Variants in SVIL observed in about 807,000 individuals in gnomAD.
SVIL encodes archvillin.
Under a neutral mutation model 240.4 loss-of-function variants are expected in SVIL, and 101 were observed. That is an observed-to-expected ratio of 0.42 (90% CI 0.36 to 0.50). The LOEUF (loss-of-function observed/expected upper bound fraction) is 0.50. SVIL is among the 20% of genes least tolerant of loss of function. SVIL has a pLI of 0.01. For missense variants in SVIL, 2,512 were observed against 2,818.7 expected, an observed-to-expected ratio of 0.89 and a Z score of 2.46; for synonymous variants, 999 against 1,100.0, an observed-to-expected ratio of 0.91 and a Z score of 1.82.
chr10:29,687,213 A>G (rs1308976501), intron 1 of SVIL, among the ~76,000 whole-genome samples: 1 of 152,240 alleles, frequency 6.6e-6, no homozygotes, highest in East Asian at 1.9e-4. Context: ...TTCCGCACTG[A>G]TAATGTCAAT....
At chr10:29,636,455 T>G (rs1958314148), upstream of SVIL, among the ~76,000 whole-genome samples, 1 of 152,220 alleles carries the variant, frequency 6.6e-6, no homozygotes. Flanking sequence ...ATCAGTCTTT[T>G]GTGTGCCTCT....
chr10:29,656,483 TAAAC>T (rs1161433053), intron 3 of SVIL, among the ~76,000 whole-genome samples: 1 of 151,690 alleles, frequency 6.6e-6, no homozygotes, highest in Non-Finnish European at 1.5e-5. Flanking sequence ...AAAGAATAAA[TAAAC>T]ATAGAAATTG....
At chr10:29,613,381 G>A (rs955180683) in intron 1 of SVIL, among the ~76,000 whole-genome samples, 7 of 151,954 alleles carry the variant, frequency 4.6e-5, no homozygotes, top group East Asian at 3.9e-4. Context: ...TGCTCAGGCC[G>A]GAGTGCAGTG....
At chr10:29,540,720 T>A (rs939655478) in intron 6 of SVIL, among the ~76,000 whole-genome samples, 1 of 152,202 alleles carries the variant, frequency 6.6e-6, no homozygotes, top group Non-Finnish European at 1.5e-5. Flanking sequence ...AAGAACTTCC[T>A]GGTCACAGCC....
At chr10:29,468,306 C>A (rs1945158379) in intron 32 of SVIL, among the ~76,000 whole-genome samples, 3 of 152,090 alleles carry the variant, frequency 2.0e-5, no homozygotes, top group Admixed American at 6.6e-5. Context: ...ATACTGAATT[C>A]TTTTTTATGG....
intron 30 of SVIL, among the ~76,000 whole-genome samples, chr10:29,472,761 T>C (rs1945732729): frequency 6.6e-6 from 1 of 152,086 alleles, no homozygotes; most frequent in Non-Finnish European, 1.5e-5. Context: ...CCAGGCACGA[T>C]GCAGGCCCTG....
chr10:29,640,698 T>G (rs1166386834), intron 3 of SVIL, among the ~76,000 whole-genome samples: 3 of 152,210 alleles, frequency 2.0e-5, no homozygotes, highest in Non-Finnish European at 4.4e-5. Flanking sequence ...CCTGCCTCAC[T>G]TGAGTGATCA....
intron 17 of SVIL, among the ~76,000 whole-genome samples, chr10:29,502,227 C>CT (rs1948948991): frequency 6.6e-6 from 1 of 152,052 alleles, no homozygotes; most frequent in Non-Finnish European, 1.5e-5. Context: ...GCTTAGGACC[C>CT]CCTAATTGCT....
chr10:29,465,351 T>G (rs1314454664), intron 34 of SVIL, among the ~76,000 whole-genome samples: 3 of 152,194 alleles, frequency 2.0e-5, no homozygotes, highest in Non-Finnish European at 4.4e-5. Flanking sequence ...TGTTCTTAGC[T>G]GACGTCTTTG....
At chr10:29,732,633 T>C (rs543485785) in intron 1 of SVIL, among the ~76,000 whole-genome samples, 1 of 152,332 alleles carries the variant, frequency 6.6e-6, no homozygotes, top group East Asian at 1.9e-4. Context: ...ATTTTTGAAA[T>C]GTTATGTCTC....
At chr10:29,593,097 T>C (rs1254444293) in intron 1 of SVIL, among the ~76,000 whole-genome samples, 1 of 152,188 alleles carries the variant, frequency 6.6e-6, no homozygotes. Context: ...ATCTGCGCTA[T>C]GTTTAAAATT....
rs377582644 is a variant in SVIL, at chr10:29,691,246, C to T, written c.-399-4595G>A. ...TTTTTTTTTGAGACGGAGTCTCACT[C>T]TGTCGCCCAGGCTGGAGTGCAGTGG... is the stretch of plus-strand genomic sequence containing the variant. On this transcript the variant is annotated intron_variant, in intron 1 of 35. Coordinates refer to the SVIL transcript ENST00000375400. Among the ~76,000 whole-genome samples the T allele has an allele frequency of 5.1e-4, 76 of 148,390 alleles. 1 individual carries two copies. The East Asian group carries it at 0.012, about 24-fold the overall frequency.
chr10:29,562,769 G>GAAAAAAAAAAAAAAAA (rs34507610), intron 3 of SVIL, among the ~76,000 whole-genome samples: 4 of 115,716 alleles, frequency 3.5e-5, no homozygotes, highest in Non-Finnish European at 7.0e-5. Context: ...TCAAAAAAAA[G>GAAAAAAAAAAAAAAAA]AAAAAAAAAA....
At chr10:29,510,108 G>A (rs1465628590) in intron 17 of SVIL, among the ~76,000 whole-genome samples, 1 of 152,150 alleles carries the variant, frequency 6.6e-6, no homozygotes, top group East Asian at 1.9e-4. Flanking sequence ...TGCCCAAGCT[G>A]GTCTAAAACT....
intron 1 of SVIL, among the ~76,000 whole-genome samples, chr10:29,595,983 C>A (rs1385116386): frequency 6.6e-6 from 1 of 152,212 alleles, no homozygotes; most frequent in Non-Finnish European, 1.5e-5. Context: ...CCAACACTTT[C>A]TTTTCTGCAG....
intron 35 of SVIL, among the ~76,000 whole-genome samples, chr10:29,463,217 T>C (rs1944470562): frequency 6.6e-6 from 1 of 152,216 alleles, no homozygotes; most frequent in Non-Finnish European, 1.5e-5. Context: ...CATTCCACAA[T>C]ACAGCCTTTA....
Position 29,533,362 on chromosome 10 carries a change from C to T in SVIL, c.1005G>A (p.Ala335=), listed in dbSNP as rs764204188. 5.6e-6 allele frequency: 9 copies of T among 1,614,140 alleles called. No homozygotes were observed. Among genetic ancestry groups the T allele is most frequent in the African/African-American group, 5.3e-5 (4 of 75,008 alleles). ...ESVTQRRHQP[A]PVHYVSFQSE... The stretch of plus-strand genomic sequence containing the variant: ...ACTGAAATGACACGTAATGGACTGG[C>T]GCTGGCTGGTGTCTCCTCTGAGTTA... The change falls in exon 8 of 38, where the codon GCG becomes GCA. Residue 335 remains alanine (A), a synonymous_variant. Transcript: ENST00000355867.
At chr10:29,507,335 C>T (rs1443037415) in intron 17 of SVIL, among the ~76,000 whole-genome samples, 7 of 152,136 alleles carry the variant, frequency 4.6e-5, no homozygotes, top group South Asian at 2.1e-4. Context: ...GATCGAAGCT[C>T]AGAGGCTGAA....
intron 1 of SVIL, among the ~76,000 whole-genome samples, chr10:29,610,738 T>C (rs1239368969): frequency 6.6e-6 from 1 of 152,098 alleles, no homozygotes; most frequent in East Asian, 1.9e-4. Context: ...CCTTCATGTG[T>C]CCTTTCCTCC....
Sources: gnomAD v4.1 joint callset for allele counts (sites outside exome capture counted in the v4.1 genomes callset) on GRCh38, gnomAD v4.1.1 for gene constraint, MANE v1.5 for transcripts, NCBI Gene and HGNC (gene_info 2026-07-23, HGNC 2026-07-21) for gene names.